Variants in PPARGC1A observed in about 807,000 individuals in gnomAD.
The protein encoded by PPARGC1A is PPARG coactivator 1 alpha.
A neutral mutation model predicts 88.7 loss-of-function variants in PPARGC1A; 25 were observed. That is an observed-to-expected ratio of 0.28 (90% CI 0.21 to 0.39). The LOEUF (loss-of-function observed/expected upper bound fraction) is 0.39, where lower values mean the gene tolerates loss of function less well. Ranked by LOEUF, PPARGC1A falls within the 10% of genes least tolerant of loss-of-function variation. The probability of loss-of-function intolerance (pLI) is 1.00; values close to 1 mark genes in which losing one functional copy is unlikely to be tolerated. For synonymous variants in PPARGC1A, 363 were observed against 355.6 expected, an observed-to-expected ratio of 1.02 and a Z score of -0.24; for missense variants, 880 against 968.7, an observed-to-expected ratio of 0.91 and a Z score of 1.22.
intron 1 of PPARGC1A, chr4:23,889,451 G>A: frequency 1.2e-6 from 1 of 833,058 alleles, no homozygotes; most frequent in Non-Finnish European, 1.4e-6. Context: ...GAGAGAGGGG[G>A]GAAAAATCCG....
At chr4:24,276,709 C>T in the PPARGC1A span, among the ~76,000 whole-genome samples, 1 of 152,180 alleles carries the variant, frequency 6.6e-6, no homozygotes, top group Admixed American at 6.5e-5. Context: ...GAAAATTAAA[C>T]TCAAATATAC....
At chr4:23,998,167 G>A in the PPARGC1A span, among the ~76,000 whole-genome samples, 1 of 152,154 alleles carries the variant, frequency 6.6e-6, no homozygotes, top group African/African-American at 2.4e-5. Context: ...ATCAGAGAAG[G>A]GAATTCAAAG....
At chr4:24,154,507 T>C in the PPARGC1A span, among the ~76,000 whole-genome samples, 2 of 152,332 alleles carry the variant, frequency 1.3e-5, 1 homozygote, top group East Asian at 3.9e-4. Flanking sequence ...GTGTAAGCCA[T>C]GGTAGTCTGG....
chr4:24,437,663 T>C, the PPARGC1A span, among the ~76,000 whole-genome samples: 17 of 151,944 alleles, frequency 1.1e-4, no homozygotes, highest in Non-Finnish European at 2.1e-4. Flanking sequence ...TTGGGGGTTT[T>C]TTTCTTTCTT....
upstream of PPARGC1A, among the ~76,000 whole-genome samples, chr4:23,890,434 C>T (rs2148854588): frequency 6.6e-6 from 1 of 152,098 alleles, no homozygotes; most frequent in East Asian, 1.9e-4. Context: ...TGTTTCATGA[C>T]AGAGTAACTA....
the PPARGC1A span, among the ~76,000 whole-genome samples, chr4:23,924,293 A>C: frequency 6.6e-6 from 1 of 152,024 alleles, no homozygotes; most frequent in South Asian, 2.1e-4. Flanking sequence ...GACTGTCAGC[A>C]CTCCTTGAAG....
chr4:24,415,271 G>A, the PPARGC1A span, among the ~76,000 whole-genome samples: 3 of 152,008 alleles, frequency 2.0e-5, no homozygotes, highest in Non-Finnish European at 4.4e-5. Flanking sequence ...TGGGGTCATC[G>A]ATAGTTGTGG....
the PPARGC1A span, among the ~76,000 whole-genome samples, chr4:23,950,037 G>A: frequency 1.3e-5 from 2 of 152,238 alleles, no homozygotes; most frequent in African/African-American, 4.8e-5. Flanking sequence ...TGCCTGGCAA[G>A]GTATAAAGCA....
At chr4:23,991,169 T>A in the PPARGC1A span, among the ~76,000 whole-genome samples, 1 of 151,984 alleles carries the variant, frequency 6.6e-6, no homozygotes, top group African/African-American at 2.4e-5. Context: ...TTTCTGGAAA[T>A]GATAGCAATT....
At chr4:24,044,194 A>T in the PPARGC1A span, among the ~76,000 whole-genome samples, 1 of 152,214 alleles carries the variant, frequency 6.6e-6, no homozygotes, top group African/African-American at 2.4e-5. Context: ...TACCAAAGGA[A>T]CTGAGTCTGG....
At chr4:23,823,280 A>C (rs772717356) in intron 7 of PPARGC1A, among the ~76,000 whole-genome samples, 1 of 151,982 alleles carries the variant, frequency 6.6e-6, no homozygotes, top group Non-Finnish European at 1.5e-5. Flanking sequence ...GCAAGCAATA[A>C]AAAGTGGCTA....
the PPARGC1A span, among the ~76,000 whole-genome samples, chr4:23,934,952 G>A: frequency 6.6e-6 from 1 of 152,198 alleles, no homozygotes; most frequent in Non-Finnish European, 1.5e-5. Context: ...CTCTGCATGT[G>A]AGCTGCACCC....
the PPARGC1A span, among the ~76,000 whole-genome samples, chr4:24,378,637 A>C: frequency 6.6e-6 from 1 of 152,194 alleles, no homozygotes; most frequent in Non-Finnish European, 1.5e-5. Flanking sequence ...GAAAGAGTTG[A>C]TGTTACTTTG....
chr4:24,020,336 T>C, the PPARGC1A span, among the ~76,000 whole-genome samples: 1 of 152,218 alleles, frequency 6.6e-6, no homozygotes, highest in African/African-American at 2.4e-5. Flanking sequence ...AAGGGGATTA[T>C]ATTGATCCTC....
At chr4:24,226,110 T>G in the PPARGC1A span, among the ~76,000 whole-genome samples, 1 of 152,156 alleles carries the variant, frequency 6.6e-6, no homozygotes, top group Non-Finnish European at 1.5e-5. Flanking sequence ...GCCATTCTGC[T>G]AAACTAAGAA....
chr4:24,445,408 T>C, the PPARGC1A span, among the ~76,000 whole-genome samples: 14 of 152,244 alleles, frequency 9.2e-5, no homozygotes, highest in Non-Finnish European at 2.1e-4. Context: ...AATTCCTTTT[T>C]GTCTATTCTG....
chr4:23,908,133 C>T (rs950526257), upstream of PPARGC1A, among the ~76,000 whole-genome samples: 2 of 152,212 alleles, frequency 1.3e-5, no homozygotes, highest in African/African-American at 4.8e-5. Flanking sequence ...AGGTACAGTG[C>T]ACATTGCCAC....
the PPARGC1A span, among the ~76,000 whole-genome samples, chr4:24,077,163 T>C: frequency 0.05 from 7,574 of 152,184 alleles, 568 homozygotes; most frequent in African/African-American, 0.16. Flanking sequence ...GACATTCTAG[T>C]GCTCCCCTTT....
At chr4:24,149,677 T>C in the PPARGC1A span, among the ~76,000 whole-genome samples, 3 of 152,172 alleles carry the variant, frequency 2.0e-5, no homozygotes, top group Non-Finnish European at 4.4e-5. Context: ...GTTCCTAAAA[T>C]GGACTTGCAA....
Sources: allele counts gnomAD v4.1 joint callset (sites outside exome capture counted in the v4.1 genomes callset), GRCh38; gene constraint gnomAD v4.1.1; transcripts MANE v1.5; gene names NCBI Gene and HGNC (gene_info 2026-07-23, HGNC 2026-07-21).